The following DCLK1 variants were observed in gnomAD, a reference collection of about 807,000 sequenced individuals.
The protein encoded by DCLK1 is doublecortin like kinase 1.
A neutral mutation model predicts 86.2 loss-of-function variants in DCLK1; 16 were observed. That is an observed-to-expected ratio of 0.19 (90% CI 0.13 to 0.28). DCLK1 has a LOEUF of 0.28. Among genes scored for constraint, DCLK1 ranks in the 10% least tolerant of loss-of-function variants. The probability of loss-of-function intolerance (pLI) is 1.00; values close to 1 mark genes in which losing one functional copy is unlikely to be tolerated. For synonymous variants in DCLK1, 369 were observed against 370.5 expected (o/e 1.00, Z 0.05); for missense variants, 590 against 940.2 (o/e 0.63, Z 4.87).
rs1355352242 is a variant in DCLK1, at chr13:36,118,895, A to G, written c.377-6680T>C. On this transcript the variant is annotated intron_variant, in intron 2 of 16. Transcript: ENST00000360631. ...CTCACAGATGGTGCCTTTTCATTGT[A>G]TCTTCACAGGGTTGAAGGGGCAAGG... Among the ~76,000 whole-genome samples, 5 of 152,182 alleles carry G rather than the reference A, an allele frequency of 3.3e-5. No individual in the cohort carries two copies. The South Asian group carries it at 8.3e-4, about 25-fold the overall frequency.
intron 11 of DCLK1, 127 bp from the exon 12 acceptor site, chr13:35,811,095 C>A: frequency 1.7e-6 from 2 of 1,168,246 alleles, no homozygotes; most frequent in Non-Finnish European, 1.2e-6. Context: ...GGCAATTATG[C>A]AAGAATGGAT....
chr13:35,794,477 C>T (rs898277659), intron 15 of DCLK1, among the ~76,000 whole-genome samples: 2 of 152,196 alleles, frequency 1.3e-5, no homozygotes, highest in African/African-American at 4.8e-5. Flanking sequence ...AATAAGTCTG[C>T]TGTTTCTCAA....
At chr13:35,917,067 C>A (rs558986181) in intron 4 of DCLK1, among the ~76,000 whole-genome samples, 1 of 152,198 alleles carries the variant, frequency 6.6e-6, no homozygotes, top group Non-Finnish European at 1.5e-5. Context: ...CTTAACCCCC[C>A]AGTTCATGAC....
At chr13:36,087,504 A>C (rs1884651939) in intron 3 of DCLK1, among the ~76,000 whole-genome samples, 2 of 152,190 alleles carry the variant, frequency 1.3e-5, no homozygotes, top group African/African-American at 4.8e-5. Flanking sequence ...ATTTCTGAGT[A>C]TCTCTTAGAG....
intron 11 of DCLK1, among the ~76,000 whole-genome samples, chr13:35,814,921 C>T (rs9574659): frequency 0.3 from 45,871 of 152,060 alleles, 7,270 homozygotes; most frequent in East Asian, 0.4. Context: ...CAGATGGCTA[C>T]AGTCGGAGAA....
intron 16 of DCLK1, among the ~76,000 whole-genome samples, chr13:35,782,359 G>A (rs955829536): frequency 4.6e-5 from 7 of 152,214 alleles, no homozygotes; most frequent in African/African-American, 1.7e-4. Context: ...TCTTATAGGA[G>A]CCCAACCTCA....
At chr13:35,862,984 G>A (rs1012468834) in intron 5 of DCLK1, among the ~76,000 whole-genome samples, 6 of 152,190 alleles carry the variant, frequency 3.9e-5, no homozygotes, top group Non-Finnish European at 8.8e-5. Flanking sequence ...TTACAATTCT[G>A]TATTTTCACT....
At chr13:36,061,739 C>T (rs895845685) in intron 3 of DCLK1, among the ~76,000 whole-genome samples, 1 of 152,164 alleles carries the variant, frequency 6.6e-6, no homozygotes, top group African/African-American at 2.4e-5. Context: ...TTTGGCTCAA[C>T]TTAGTGTTTG....
intron 4 of DCLK1, among the ~76,000 whole-genome samples, chr13:35,883,303 GC>G (rs1419572952): frequency 6.6e-6 from 1 of 152,182 alleles, no homozygotes; most frequent in Non-Finnish European, 1.5e-5. Flanking sequence ...ATGTCTTGGT[GC>G]CATCCATGAG....
At chr13:35,959,111 C>A (rs957959840) in intron 3 of DCLK1, among the ~76,000 whole-genome samples, 4 of 152,070 alleles carry the variant, frequency 2.6e-5, no homozygotes, top group Admixed American at 2.0e-4. Flanking sequence ...TTCTTAATGG[C>A]CTCTTAAAAA....
intron 3 of DCLK1, among the ~76,000 whole-genome samples, chr13:36,023,815 T>C (rs1881897109): frequency 6.6e-6 from 1 of 151,814 alleles, no homozygotes; most frequent in East Asian, 1.9e-4. Context: ...GAGAATATCA[T>C]ACTTAATACA....
intron 8 of DCLK1, among the ~76,000 whole-genome samples, chr13:35,834,402 G>A (rs968620729): frequency 1.3e-5 from 2 of 152,142 alleles, no homozygotes; most frequent in East Asian, 3.9e-4. Context: ...GGAGTAAAGT[G>A]GTTAAAAGTG....
chr13:36,041,406 T>C (rs2153155254), intron 3 of DCLK1, among the ~76,000 whole-genome samples: 1 of 152,328 alleles, frequency 6.6e-6, no homozygotes, highest in East Asian at 1.9e-4. Context: ...CCTGTACTCC[T>C]ACGGGAAACA....
intron 6 of DCLK1, chr13:35,849,741 G>C: frequency 1.0e-6 from 1 of 985,202 alleles, no homozygotes; most frequent in Non-Finnish European, 1.2e-6. Context: ...GCAAGATTGA[G>C]AATTTTTCAG....
At chr13:35,858,368 G>C (rs1393143732) in intron 5 of DCLK1, among the ~76,000 whole-genome samples, 1 of 152,184 alleles carries the variant, frequency 6.6e-6, no homozygotes, top group Non-Finnish European at 1.5e-5. Flanking sequence ...AAGCACCTTA[G>C]GTAACATCAG....
chr13:35,811,999 T>C (rs893987441), intron 11 of DCLK1, among the ~76,000 whole-genome samples: 5 of 152,186 alleles, frequency 3.3e-5, no homozygotes, highest in Admixed American at 1.3e-4. Flanking sequence ...ATTTCACCTG[T>C]GGCAATTTGG....
chr13:35,865,022 G>T (rs572988521), intron 5 of DCLK1, among the ~76,000 whole-genome samples: 365 of 152,234 alleles, frequency 2.4e-3, no homozygotes, highest in Non-Finnish European at 4.1e-3. Context: ...GACTGCAGCT[G>T]TGAAACTTCA....
chr13:35,847,385 A>G, intron 6 of DCLK1: 1 of 985,164 alleles, frequency 1.0e-6, no homozygotes, highest in Non-Finnish European at 1.2e-6. Flanking sequence ...CAAATACTAT[A>G]CTTTACTGTT....
chr13:35,870,019 T>A (rs2153114435), intron 5 of DCLK1, among the ~76,000 whole-genome samples: 1 of 152,266 alleles, frequency 6.6e-6, no homozygotes, highest in East Asian at 1.9e-4. Flanking sequence ...CAATGCCTCA[T>A]TTTAGGGCTC....
Sources: gnomAD v4.1 joint callset for allele counts (sites outside exome capture counted in the v4.1 genomes callset) on GRCh38, gnomAD v4.1.1 for gene constraint, MANE v1.5 for transcripts, NCBI Gene and HGNC (gene_info 2026-07-23, HGNC 2026-07-21) for gene names.